The following CDYL variants were observed in gnomAD, a reference collection of about 807,000 sequenced individuals.
CDYL encodes the protein chromodomain Y-like protein.
Under a neutral mutation model 47.3 loss-of-function variants are expected in CDYL, and 8 were observed. The observed-to-expected ratio is 0.17, with a 90% confidence interval of 0.10 to 0.31. The LOEUF (loss-of-function observed/expected upper bound fraction) is 0.31, where lower values mean the gene tolerates loss of function less well. Ranked by LOEUF, CDYL falls within the 10% of genes least tolerant of loss-of-function variation. The pLI, the probability that CDYL is intolerant of heterozygous loss-of-function variation, is 1.00. For synonymous variants in CDYL, 266 were observed against 265.0 expected (o/e 1.00, Z -0.04); for missense variants, 471 against 701.4 (o/e 0.67, Z 3.71).
At chr6:4,915,492 A>G (rs1757531548) in intron 2 of CDYL, among the ~76,000 whole-genome samples, 1 of 152,074 alleles carries the variant, frequency 6.6e-6, no homozygotes, top group African/African-American at 2.4e-5. Flanking sequence ...AATGTGGGGG[A>G]TGGGGGCAGA....
intron 1 of CDYL, among the ~76,000 whole-genome samples, chr6:4,838,198 T>G (rs1760380743): frequency 6.6e-6 from 1 of 152,144 alleles, no homozygotes; most frequent in Admixed American, 6.5e-5. Context: ...ACAGGTGGTG[T>G]TTGGTTACAT....
chr6:4,730,754 C>T (rs1582289816), intron 2 of CDYL, among the ~76,000 whole-genome samples: 1 of 151,030 alleles, frequency 6.6e-6, no homozygotes, highest in African/African-American at 2.4e-5. Flanking sequence ...TCTGTGATTC[C>T]AATAGTATTC....
At chr6:4,856,406 G>A (rs1263551281) in intron 1 of CDYL, among the ~76,000 whole-genome samples, 1 of 152,190 alleles carries the variant, frequency 6.6e-6, no homozygotes, top group African/African-American at 2.4e-5. Context: ...GGCCATGGAA[G>A]TGCACAGTCC....
At chr6:4,749,269 G>T (rs535041921) in intron 3 of CDYL, among the ~76,000 whole-genome samples, 2 of 151,596 alleles carry the variant, frequency 1.3e-5, no homozygotes, top group Non-Finnish European at 2.9e-5. Flanking sequence ...AGTAGTTTTC[G>T]ATAGGGTTTT....
intron 2 of CDYL, among the ~76,000 whole-genome samples, chr6:4,896,979 G>A (rs939311161): frequency 6.6e-6 from 1 of 152,172 alleles, no homozygotes; most frequent in African/African-American, 2.4e-5. Flanking sequence ...TTTTAAGTAT[G>A]ACGCAAAGGC....
intron 1 of CDYL, chr6:4,714,744 G>A (rs2127407551): frequency 6.6e-6 from 1 of 152,352 alleles, no homozygotes; most frequent in Non-Finnish European, 1.5e-5. Flanking sequence ...GCGTAGGTAA[G>A]TTAGAGGATG....
chr6:4,734,263 T>C (rs985748830), intron 2 of CDYL, among the ~76,000 whole-genome samples: 3 of 152,226 alleles, frequency 2.0e-5, no homozygotes, highest in African/African-American at 7.2e-5. Context: ...GAGGGTCCCC[T>C]TGTGTGGGCT....
At chr6:4,710,343 G>C (rs936719024) in intron 1 of CDYL, among the ~76,000 whole-genome samples, 1 of 139,566 alleles carries the variant, frequency 7.2e-6, no homozygotes, top group South Asian at 2.5e-4. Context: ...GAGGAAGGGA[G>C]GGAGAAAGGG....
intron 4 of CDYL, among the ~76,000 whole-genome samples, chr6:4,941,269 C>T (rs1758353024): frequency 1.3e-5 from 2 of 152,348 alleles, no homozygotes; most frequent in Admixed American, 6.5e-5. Flanking sequence ...GGGAGAGGAC[C>T]GTCCCAGGCT....
chr6:4,924,168 G>A (rs1202672138), intron 2 of CDYL, among the ~76,000 whole-genome samples: 4 of 152,140 alleles, frequency 2.6e-5, no homozygotes, highest in African/African-American at 7.2e-5. Flanking sequence ...TCATTAATTG[G>A]TACTTTTATC....
At chr6:4,853,076 A>G (rs1391585486) in intron 1 of CDYL, among the ~76,000 whole-genome samples, 3 of 152,202 alleles carry the variant, frequency 2.0e-5, no homozygotes, top group African/African-American at 7.2e-5. Context: ...GGCATGAGTC[A>G]CGGTGCCTAG....
At chr6:4,884,489 A>T (rs959879799) in intron 1 of CDYL, among the ~76,000 whole-genome samples, 1 of 152,234 alleles carries the variant, frequency 6.6e-6, no homozygotes, top group Non-Finnish European at 1.5e-5. Context: ...ACAGAAGCCG[A>T]GACAGTATAA....
chr6:4,853,969 G>A (rs1760929439), intron 1 of CDYL, among the ~76,000 whole-genome samples: 1 of 152,232 alleles, frequency 6.6e-6, no homozygotes, highest in Admixed American at 6.5e-5. Flanking sequence ...CAGCACAGAT[G>A]GGCTTCTGTG....
intron 2 of CDYL, among the ~76,000 whole-genome samples, chr6:4,900,785 A>G (rs2027419): frequency 0.64 from 19,931 of 31,204 alleles, 5,797 homozygotes; most frequent in South Asian, 0.75. Flanking sequence ...GTGTGTATAT[A>G]TATATATATA....
intron 1 of CDYL, among the ~76,000 whole-genome samples, chr6:4,713,237 C>T (rs1371528102): frequency 6.6e-6 from 1 of 152,198 alleles, no homozygotes; most frequent in African/African-American, 2.4e-5. Flanking sequence ...GAATCTGCCT[C>T]CCTGGATCTC....
chr6:4,772,840 A>T, upstream of CDYL: 1 of 301,586 alleles, frequency 3.3e-6, no homozygotes, highest in Non-Finnish European at 6.5e-6. Flanking sequence ...CAACCATAAA[A>T]CGCCTTTGGC....
intron 2 of CDYL, among the ~76,000 whole-genome samples, chr6:4,906,599 C>T (rs1401019860): frequency 1.3e-5 from 2 of 152,192 alleles, no homozygotes; most frequent in Non-Finnish European, 2.9e-5. Context: ...TTGAACCACT[C>T]TTTTATTATG....
chr6:4,844,227 A>G (rs886608795), intron 1 of CDYL, among the ~76,000 whole-genome samples: 2 of 152,016 alleles, frequency 1.3e-5, no homozygotes, highest in African/African-American at 4.8e-5. Flanking sequence ...AGCGTGCTTA[A>G]TTGTGGTTTG....
At position 4,725,942 on chromosome 6, in the gene CDYL, CA is replaced by C; in HGVS notation, c.104-8817del. On this transcript the variant is annotated intron_variant, in intron 2 of 8. Transcript: ENST00000328908. Reference sequence around the variant, plus strand: ...TTTGTCAAAGCCAAAAACAAAAGAGCAAATTACCAAGCAGCGTTTCACTGCA... The same window carrying C: ...TTTGTCAAAGCCAAAAACAAAAGAGCAATTACCAAGCAGCGTTTCACTGCA... 1.3e-5 allele frequency among the ~76,000 whole-genome samples: 2 copies of C among 151,980 alleles called. 1 individual carries two copies. The highest frequency in any genetic ancestry group is 1.3e-4 in the Admixed American group (2 of 15,296).
Sources: gnomAD v4.1 joint callset for allele counts (sites outside exome capture counted in the v4.1 genomes callset) on GRCh38, gnomAD v4.1.1 for gene constraint, MANE v1.5 for transcripts, NCBI Gene and HGNC (gene_info 2026-07-23, HGNC 2026-07-21) for gene names.